The following ERG variants were observed in gnomAD, a reference collection of about 807,000 sequenced individuals.
ERG encodes ETS transcription factor ERG, also known as transcriptional regulator ERG.
In ERG, 9 loss-of-function variants were observed where a neutral mutation model predicts 55.3. The observed-to-expected ratio is 0.16, with a 90% confidence interval of 0.10 to 0.28. ERG has a LOEUF of 0.28. Ranked by LOEUF, ERG falls within the 10% of genes least tolerant of loss-of-function variation. The probability of loss-of-function intolerance (pLI) is 1.00; values close to 1 mark genes in which losing one functional copy is unlikely to be tolerated. For missense variants in ERG, 434 were observed against 631.6 expected, an observed-to-expected ratio of 0.69 and a Z score of 3.35; for synonymous variants, 223 against 237.3, an observed-to-expected ratio of 0.94 and a Z score of 0.55.
intron 2 of ERG, among the ~76,000 whole-genome samples, chr21:38,436,422 T>C (rs1176516039): frequency 6.6e-6 from 1 of 152,202 alleles, no homozygotes; most frequent in Non-Finnish European, 1.5e-5. Context: ...ATCTTGTCAC[T>C]GCTTGTCTGA....
chr21:38,596,179 T>G (rs999791206), intron 1 of ERG, among the ~76,000 whole-genome samples: 2 of 152,194 alleles, frequency 1.3e-5, no homozygotes, highest in African/African-American at 4.8e-5. Context: ...TGGTAACAGC[T>G]TTCTTCAGCA....
intron 2 of ERG, among the ~76,000 whole-genome samples, chr21:38,427,590 A>T (rs1209050585): frequency 6.6e-6 from 1 of 152,154 alleles, no homozygotes; most frequent in African/African-American, 2.4e-5. Flanking sequence ...GGGTGGCCCG[A>T]ACTCTCCATC....
At chr21:38,627,926 A>T (rs1045020146) in intron 1 of ERG, among the ~76,000 whole-genome samples, 2 of 150,186 alleles carry the variant, frequency 1.3e-5, no homozygotes, top group Non-Finnish European at 3.0e-5. Flanking sequence ...GAGAGAAATG[A>T]CAAGGAGTTT....
chr21:38,389,274 A>G (rs922638215), intron 9 of ERG, among the ~76,000 whole-genome samples: 4 of 152,116 alleles, frequency 2.6e-5, no homozygotes, highest in Admixed American at 1.3e-4. Context: ...AGGAAAAGTT[A>G]CTTAACTTCT....
At chr21:38,446,965 C>T in intron 1 of ERG, among the ~76,000 whole-genome samples, 1 of 152,098 alleles carries the variant, frequency 6.6e-6, no homozygotes, top group Admixed American at 6.6e-5. Flanking sequence ...TTAGCACCCT[C>T]TTCCCCTTCT....
intron 1 of ERG, among the ~76,000 whole-genome samples, chr21:38,656,849 T>C (rs2060522292): frequency 6.6e-6 from 1 of 152,232 alleles, no homozygotes; most frequent in Admixed American, 6.5e-5. Flanking sequence ...TCATTCTATA[T>C]ATGCCTGTTT....
chr21:38,595,540 G>A (rs1219407772), intron 1 of ERG, among the ~76,000 whole-genome samples: 1 of 152,150 alleles, frequency 6.6e-6, no homozygotes, highest in Non-Finnish European at 1.5e-5. Flanking sequence ...TGGAAGCCCG[G>A]GAGCTCTGCT....
At chr21:38,600,255 C>T (rs1004853387) in intron 1 of ERG, among the ~76,000 whole-genome samples, 1 of 152,200 alleles carries the variant, frequency 6.6e-6, no homozygotes, top group Non-Finnish European at 1.5e-5. Flanking sequence ...TTGAGAATGG[C>T]TGGGCATCAA....
At chr21:38,545,512 C>T (rs10483046) in intron 2 of ERG, among the ~76,000 whole-genome samples, 1,886 of 152,268 alleles carry the variant, frequency 0.012, 45 homozygotes, top group African/African-American at 0.042. Context: ...TTCTCTGTGA[C>T]GGATATTTTC....
intron 1 of ERG, among the ~76,000 whole-genome samples, chr21:38,624,074 C>G (rs2060309885): frequency 6.6e-6 from 1 of 152,156 alleles, no homozygotes; most frequent in Non-Finnish European, 1.5e-5. Context: ...TATGTGAAGC[C>G]TTCAAGAAAA....
intron 1 of ERG, chr21:38,575,800 T>C: frequency 3.0e-6 from 4 of 1,332,452 alleles, no homozygotes; most frequent in South Asian, 1.2e-5. Flanking sequence ...CATTTCTGTG[T>C]TTTATGTTCT....
intron 1 of ERG, among the ~76,000 whole-genome samples, chr21:38,486,953 T>C (rs1162848204): frequency 2.0e-5 from 3 of 152,148 alleles, no homozygotes; most frequent in Non-Finnish European, 2.9e-5. Flanking sequence ...GGAGTTATTA[T>C]CATGACTGAC....
intron 2 of ERG, among the ~76,000 whole-genome samples, chr21:38,544,735 C>G (rs771914658): frequency 4.2e-4 from 64 of 152,288 alleles, no homozygotes; most frequent in Non-Finnish European, 4.9e-4. Context: ...AAAAAAATCT[C>G]TAGTGAAAAT....
chr21:38,570,185 G>A (rs985033639), intron 2 of ERG, among the ~76,000 whole-genome samples: 1 of 152,140 alleles, frequency 6.6e-6, no homozygotes, highest in African/African-American at 2.4e-5. Context: ...GACCCACTGT[G>A]CCACATAAAA....
intron 2 of ERG, among the ~76,000 whole-genome samples, chr21:38,572,365 CAAAAAAAAAAA>C (rs758324053): frequency 3.0e-5 from 2 of 66,988 alleles, no homozygotes; most frequent in African/African-American, 4.8e-5. Flanking sequence ...GAGACTCCAT[CAAAAAAAAAAA>C]AAAAAAAAAA....
intron 3 of ERG, among the ~76,000 whole-genome samples, chr21:38,418,914 C>T (rs11701401): frequency 0.057 from 6,220 of 109,138 alleles, 144 homozygotes; most frequent in Middle Eastern, 0.11. Context: ...GGAACAAGAG[C>T]GAGACTTTGT....
intron 1 of ERG, among the ~76,000 whole-genome samples, chr21:38,603,384 G>T (rs1292726756): frequency 6.6e-6 from 1 of 152,018 alleles, no homozygotes; most frequent in Non-Finnish European, 1.5e-5. Context: ...ATTTTGGGAG[G>T]CCGAGGTGGG....
At chr21:38,636,357 C>T (rs1028053019) in intron 1 of ERG, among the ~76,000 whole-genome samples, 16 of 152,232 alleles carry the variant, frequency 1.1e-4, no homozygotes, top group South Asian at 1.0e-3. Flanking sequence ...TTTTCACACC[C>T]GTCTCCAGGA....
At chr21:38,456,810 G>C (rs2058994037) in intron 1 of ERG, among the ~76,000 whole-genome samples, 1 of 152,146 alleles carries the variant, frequency 6.6e-6, no homozygotes, top group African/African-American at 2.4e-5. Context: ...GATTTTTCCA[G>C]CACATAAATA....
Sources: gnomAD v4.1 joint callset for allele counts (sites outside exome capture counted in the v4.1 genomes callset) on GRCh38, gnomAD v4.1.1 for gene constraint, MANE v1.5 for transcripts, NCBI Gene and HGNC (gene_info 2026-07-23, HGNC 2026-07-21) for gene names.